FGD4: variants seen among roughly 807,000 people sequenced by gnomAD.
FGD4 encodes the protein FYVE, RhoGEF and PH domain-containing protein 4.
Under a neutral mutation model 102.0 loss-of-function variants are expected in FGD4, and 42 were observed. The ratio of observed to expected loss-of-function variants is 0.41; its 90% confidence interval spans 0.32 to 0.53. The LOEUF (loss-of-function observed/expected upper bound fraction) is 0.53, where lower values mean the gene tolerates loss of function less well. FGD4 is among the 20% of genes least tolerant of loss of function. FGD4 has a pLI of 0.21. For missense variants in FGD4, 902 were observed against 1,078.2 expected, an observed-to-expected ratio of 0.84 and a Z score of 2.29; for synonymous variants, 380 against 375.7, an observed-to-expected ratio of 1.01 and a Z score of -0.13.
intron 4 of FGD4, among the ~76,000 whole-genome samples, chr12:32,590,006 C>T (rs1947338629): frequency 6.6e-6 from 1 of 152,098 alleles, no homozygotes; most frequent in South Asian, 2.1e-4. Context: ...GCTTATGACA[C>T]TATATTATAA....
chr12:32,633,115 G>A (rs540614539), intron 14 of FGD4, among the ~76,000 whole-genome samples: 14 of 150,320 alleles, frequency 9.3e-5, no homozygotes, highest in Non-Finnish European at 4.5e-5. Flanking sequence ...GGGTAAGATC[G>A]AAAGAGGTTC....
chr12:32,445,924 T>G (rs1486324371), intron 1 of FGD4, among the ~76,000 whole-genome samples: 1 of 152,220 alleles, frequency 6.6e-6, no homozygotes, highest in African/African-American at 2.4e-5. Context: ...CCCAGCACTT[T>G]GTGAGGCCAA....
At chr12:32,608,525 A>G (rs529097451) in intron 8 of FGD4, among the ~76,000 whole-genome samples, 1 of 152,372 alleles carries the variant, frequency 6.6e-6, no homozygotes, top group East Asian at 1.9e-4. Flanking sequence ...CACCTGCCCT[A>G]ACGTGCTACC....
chr12:32,615,693 G>C (rs73311051), intron 10 of FGD4, among the ~76,000 whole-genome samples: 1 of 151,942 alleles, frequency 6.6e-6, no homozygotes, highest in Admixed American at 6.6e-5. Context: ...CAGTGGGGAA[G>C]CACCAGCGTC....
intron 1 of FGD4, among the ~76,000 whole-genome samples, chr12:32,408,359 G>C (rs1941042737): frequency 6.6e-6 from 1 of 152,070 alleles, no homozygotes; most frequent in East Asian, 1.9e-4. Context: ...GTAGAGACGG[G>C]GTTTCCCCAT....
chr12:32,402,125 T>A (rs1168939849), intron 1 of FGD4, among the ~76,000 whole-genome samples: 1 of 32,794 alleles, frequency 3.0e-5, no homozygotes, highest in Non-Finnish European at 5.1e-5. Flanking sequence ...GCATTTTTTT[T>A]TTTTTTTTTT....
At chr12:32,508,957 A>G (rs889902829) in intron 1 of FGD4, among the ~76,000 whole-genome samples, 2 of 152,254 alleles carry the variant, frequency 1.3e-5, no homozygotes, top group Non-Finnish European at 2.9e-5. Context: ...CTGTATCTGC[A>G]AAGTGTATAT....
intron 1 of FGD4, among the ~76,000 whole-genome samples, chr12:32,536,997 CTCCGGG>C (rs745877296): frequency 3.9e-5 from 6 of 151,938 alleles, no homozygotes; most frequent in Admixed American, 6.6e-5. Context: ...TAAGCTCCAC[CTCCGGG>C]GTTCACACCA....
intron 2 of FGD4, among the ~76,000 whole-genome samples, chr12:32,575,404 G>C (rs1034786536): frequency 6.6e-6 from 1 of 152,164 alleles, no homozygotes; most frequent in African/African-American, 2.4e-5. Context: ...AGAGAGAGAA[G>C]GGGGAGGTTT....
At chr12:32,547,019 T>C (rs1943277527) in intron 1 of FGD4, among the ~76,000 whole-genome samples, 1 of 152,192 alleles carries the variant, frequency 6.6e-6, no homozygotes, top group Non-Finnish European at 1.5e-5. Context: ...TCTTGCCTAA[T>C]AAAGGCACAG....
rs1366285535 is a variant in FGD4, at chr12:32,415,416, T to C, written c.166+15457T>C. Among the ~76,000 whole-genome samples, 12 of 33,414 alleles carry C rather than the reference T, an allele frequency of 3.6e-4. No homozygotes were observed. In the East Asian group the frequency reaches 7.9e-3, roughly 22 times the overall value. The allele number at this position is 33,414 out of a possible 152,430, so 21.9% of individuals were successfully genotyped here. A position where few individuals can be genotyped will look rare whatever the true frequency, so the allele number is the denominator to read the frequency against. ...TTACTGTATTGGGATCTGTCTCTCT[T>C]TTTTTTTTTTTTTTTTTTTTTTTTG... On this transcript the variant is annotated intron_variant, in intron 1 of 16. Transcript: ENST00000534526.
intron 7 of FGD4, 99 bp from the exon 8 acceptor site, chr12:32,607,858 G>GA: frequency 7.2e-7 from 1 of 1,380,640 alleles, no homozygotes. Context: ...ACACTTTGTC[G>GA]AAAAATATTG....
At chr12:32,573,430 C>T (rs1945856174) in intron 2 of FGD4, among the ~76,000 whole-genome samples, 1 of 152,188 alleles carries the variant, frequency 6.6e-6, no homozygotes. Flanking sequence ...AAGTACATAG[C>T]ATACAAGATT....
At position 32,506,093 on chromosome 12, in the gene FGD4, G is replaced by A. The variant is rs548547273; in HGVS notation, c.167-58044G>A. On this transcript the variant is annotated intron_variant, in intron 1 of 16. Coordinates refer to ENST00000534526, the MANE Select transcript of FGD4 (RefSeq NM_001370298.3). The surrounding 1 kb of genome is among the most constrained non-coding windows in gnomAD (Gnocchi z 4.5). ...AGGAAACCTGTGAGTTACAGAAACA[G>A]CTAATGTTGGGCATTGCATGTTGAA... Among the ~76,000 whole-genome samples, 12 of 152,292 alleles carry A rather than the reference G, an allele frequency of 7.9e-5. No homozygotes were observed. The East Asian group carries it at 2.3e-3, about 29-fold the overall frequency.
chr12:32,469,856 T>G (rs1451085868), intron 1 of FGD4, among the ~76,000 whole-genome samples: 4 of 150,480 alleles, frequency 2.7e-5, no homozygotes, highest in African/African-American at 9.8e-5. Context: ...ATGGGGTTTC[T>G]CCATGTTGGT....
chr12:32,624,932 A>G lies in FGD4; in HGVS notation c.1954-44A>G, dbSNP rs758154037. ...TGATAAAGTATATTCATTGGTTTAT[A>G]TGAGAAACTTTAATGTGTGCTTTGA... is the stretch of plus-strand genomic sequence containing the variant. On this transcript the variant is annotated intron_variant, in intron 12 of 16. Coordinates refer to ENST00000534526, the MANE Select transcript of FGD4 (RefSeq NM_001370298.3). The G allele has an allele frequency of 4.7e-6, 7 of 1,492,228 alleles. No homozygotes were observed. The African/African-American group carries it at 6.9e-5, about 15-fold the overall frequency. The allele number at this position is 1,492,228 out of a possible 1,614,324, so 92.4% of individuals were successfully genotyped here.
intron 1 of FGD4, among the ~76,000 whole-genome samples, chr12:32,480,771 T>C (rs1460615635): frequency 6.6e-6 from 1 of 151,166 alleles, no homozygotes; most frequent in Non-Finnish European, 1.5e-5. Context: ...AGTGCTGGGA[T>C]TACAGGCGTG....
intron 1 of FGD4, among the ~76,000 whole-genome samples, chr12:32,467,693 T>G (rs1943298825): frequency 6.6e-6 from 1 of 152,212 alleles, no homozygotes; most frequent in South Asian, 2.1e-4. Flanking sequence ...TTAATTGTTT[T>G]CTTTCTTCCC....
chr12:32,538,311 TA>T (rs1942488681), intron 1 of FGD4, among the ~76,000 whole-genome samples: 2 of 152,374 alleles, frequency 1.3e-5, no homozygotes, highest in South Asian at 4.1e-4. Flanking sequence ...GGTGCTTTGT[TA>T]ATATTTGTTG....
Sources: gnomAD v4.1 joint callset for allele counts (sites outside exome capture counted in the v4.1 genomes callset) on GRCh38, gnomAD v4.1.1 for gene constraint, Gnocchi (gnomAD v3.1) non-coding constraint, MANE v1.5 for transcripts, NCBI Gene and HGNC (gene_info 2026-07-23, HGNC 2026-07-21) for gene names.